Variants in EEFSEC observed in about 807,000 individuals in gnomAD.
EEFSEC encodes the protein selenocysteine-specific elongation factor.
A neutral mutation model predicts 42.1 loss-of-function variants in EEFSEC; 43 were observed. That is an observed-to-expected ratio of 1.02 (90% CI 0.80 to 1.32). The LOEUF (loss-of-function observed/expected upper bound fraction) is 1.32, where lower values mean the gene tolerates loss of function less well. Ranked by LOEUF, EEFSEC falls within the 40% of genes most tolerant of loss-of-function variation. The pLI is 0.00. For synonymous variants in EEFSEC, 354 were observed against 339.1 expected (o/e 1.04, Z -0.48); for missense variants, 745 against 803.6 (o/e 0.93, Z 0.88).
chr3:128,342,792 C>T (rs556531612), intron 5 of EEFSEC, among the ~76,000 whole-genome samples: 16 of 152,344 alleles, frequency 1.1e-4, no homozygotes, highest in East Asian at 5.8e-4. Context: ...GGACAGAACA[C>T]GGTGGTCTCC....
At chr3:128,193,593 A>G (rs1452447327) in intron 1 of EEFSEC, among the ~76,000 whole-genome samples, 3 of 152,148 alleles carry the variant, frequency 2.0e-5, no homozygotes, top group Admixed American at 6.5e-5. Context: ...GAATTGACTT[A>G]TTTGCTTTGT....
In EEFSEC at chr3:128,269,377, G is replaced by A. The variant is rs370737827; in HGVS notation, c.786+4596G>A. On this transcript the variant is annotated intron_variant, in intron 4 of 6. Coordinates refer to ENST00000254730, the MANE Select transcript of EEFSEC (RefSeq NM_021937.5). ...GCCTTGCCTGGGCTGCGGCATGTAC[G>A]AGAGCCCATTGCAGCAGAGCCTGAG... Among the ~76,000 whole-genome samples the A allele has an allele frequency of 9.4e-4, 143 of 152,350 alleles. 3 individuals carry two copies. In the South Asian group the frequency reaches 0.028, roughly 30 times the overall value.
chr3:128,184,277 A>G (rs536097840), intron 1 of EEFSEC, among the ~76,000 whole-genome samples: 3 of 152,336 alleles, frequency 2.0e-5, no homozygotes, highest in East Asian at 3.9e-4. Context: ...CATCACTGCT[A>G]TCCATCTCCA....
At chr3:128,398,729 C>A (rs1221639218) in intron 6 of EEFSEC, among the ~76,000 whole-genome samples, 1 of 152,180 alleles carries the variant, frequency 6.6e-6, no homozygotes, top group East Asian at 1.9e-4. Flanking sequence ...GCGCCCCACT[C>A]GCAGCTGTGT....
At chr3:128,270,894 T>C (rs568788366) in intron 4 of EEFSEC, among the ~76,000 whole-genome samples, 1 of 152,278 alleles carries the variant, frequency 6.6e-6, no homozygotes, top group African/African-American at 2.4e-5. Flanking sequence ...TGTATTTGTC[T>C]TTGTGCCTGC....
At chr3:128,169,412 A>G (rs2065273397) in intron 1 of EEFSEC, among the ~76,000 whole-genome samples, 1 of 152,202 alleles carries the variant, frequency 6.6e-6, no homozygotes, top group African/African-American at 2.4e-5. Context: ...ACTCTCTGGA[A>G]GTCCCAGTTT....
intron 6 of EEFSEC, among the ~76,000 whole-genome samples, chr3:128,402,425 G>C (rs77183300): frequency 6.6e-6 from 1 of 152,194 alleles, no homozygotes; most frequent in Non-Finnish European, 1.5e-5. Flanking sequence ...GGGTCTGCTG[G>C]CCTCCCTTGG....
intron 5 of EEFSEC, among the ~76,000 whole-genome samples, chr3:128,342,183 G>A (rs1204939759): frequency 1.3e-5 from 2 of 152,232 alleles, no homozygotes; most frequent in African/African-American, 4.8e-5. Flanking sequence ...GGCACCCATG[G>A]GTCTGAGCAG....
chr3:128,283,908 A>G (rs930534420), intron 4 of EEFSEC, among the ~76,000 whole-genome samples: 5 of 152,246 alleles, frequency 3.3e-5, no homozygotes, highest in African/African-American at 1.2e-4. Flanking sequence ...TCTTAACATT[A>G]TCTTCAGATT....
chr3:128,285,253 C>A (rs1215569023), intron 4 of EEFSEC, among the ~76,000 whole-genome samples: 1 of 152,086 alleles, frequency 6.6e-6, no homozygotes, highest in African/African-American at 2.4e-5. Context: ...ATGCAGAAAA[C>A]CATGTGTGGG....
chr3:128,260,817 T>C (rs1015068128), intron 2 of EEFSEC, among the ~76,000 whole-genome samples: 2 of 152,246 alleles, frequency 1.3e-5, no homozygotes, highest in Non-Finnish European at 2.9e-5. Flanking sequence ...TCCAGAGTTC[T>C]GAACAAGTTG....
chr3:128,249,348 A>G (rs2066160171), intron 2 of EEFSEC, among the ~76,000 whole-genome samples: 1 of 152,022 alleles, frequency 6.6e-6, no homozygotes, highest in Non-Finnish European at 1.5e-5. Flanking sequence ...GCACTTTTGG[A>G]TTTTTTCATT....
At chr3:128,359,765 A>G (rs1011612821) in intron 6 of EEFSEC, among the ~76,000 whole-genome samples, 7 of 152,220 alleles carry the variant, frequency 4.6e-5, no homozygotes, top group African/African-American at 1.7e-4. Context: ...GAGGATGGAA[A>G]GCTGTGGGGA....
At chr3:128,323,548 C>T (rs1302195725) in intron 4 of EEFSEC, among the ~76,000 whole-genome samples, 3 of 152,190 alleles carry the variant, frequency 2.0e-5, no homozygotes, top group Admixed American at 6.5e-5. Flanking sequence ...AATCCTAACA[C>T]GAATTACTCT....
At chr3:128,345,388 G>A (rs1219112421) in intron 5 of EEFSEC, among the ~76,000 whole-genome samples, 5 of 152,192 alleles carry the variant, frequency 3.3e-5, no homozygotes. Flanking sequence ...TTTGGTTGAA[G>A]AGGGAGGGGC....
intron 1 of EEFSEC, among the ~76,000 whole-genome samples, chr3:128,237,959 A>T (rs1382485176): frequency 6.6e-6 from 1 of 152,172 alleles, no homozygotes; most frequent in East Asian, 1.9e-4. Context: ...CAGAGCACTC[A>T]GGAATGCATG....
chr3:128,373,784 T>A (rs1364835899), intron 6 of EEFSEC, among the ~76,000 whole-genome samples: 1 of 152,106 alleles, frequency 6.6e-6, no homozygotes, highest in Non-Finnish European at 1.5e-5. Flanking sequence ...ACCAAAAAGA[T>A]CCAGGTATCA....
At chr3:128,169,845 C>T (rs966807050) in intron 1 of EEFSEC, among the ~76,000 whole-genome samples, 1 of 152,230 alleles carries the variant, frequency 6.6e-6, no homozygotes, top group Non-Finnish European at 1.5e-5. Context: ...TCGTCTCACT[C>T]CTGGTCAGTG....
intron 1 of EEFSEC, among the ~76,000 whole-genome samples, chr3:128,204,095 G>T (rs752448159): frequency 1.3e-5 from 2 of 152,190 alleles, no homozygotes; most frequent in Non-Finnish European, 2.9e-5. Flanking sequence ...GTTAACTTTT[G>T]TAAGGAAGGA....
Sources: allele counts gnomAD v4.1 joint callset (sites outside exome capture counted in the v4.1 genomes callset), GRCh38; gene constraint gnomAD v4.1.1; transcripts MANE v1.5; gene names NCBI Gene and HGNC (gene_info 2026-07-23, HGNC 2026-07-21).